NALF1: variants seen among roughly 807,000 people sequenced by gnomAD.
NALF1 encodes the protein NALCN channel auxiliary factor 1.
Under a neutral mutation model 48.4 loss-of-function variants are expected in NALF1, and 3 were observed. The ratio of observed to expected loss-of-function variants is 0.06; its 90% CI spans 0.03 to 0.16. The LOEUF (loss-of-function observed/expected upper bound fraction) is 0.16, where lower values mean the gene tolerates loss of function less well. Ranked by LOEUF, NALF1 falls within the 10% of genes least tolerant of loss-of-function variation. The pLI is 1.00. For missense variants in NALF1, 526 were observed against 571.5 expected (o/e 0.92, Z 0.81); for synonymous variants, 262 against 245.7 (o/e 1.07, Z -0.62).
chr13:107,504,720 T>C (rs189098962), intron 1 of NALF1, among the ~76,000 whole-genome samples: 32 of 152,282 alleles, frequency 2.1e-4, no homozygotes, highest in Admixed American at 1.3e-4. Context: ...ATATAACATA[T>C]CTTTTCACTC....
chr13:107,195,321 A>T (rs1192908438), intron 2 of NALF1, among the ~76,000 whole-genome samples: 1 of 152,198 alleles, frequency 6.6e-6, no homozygotes, highest in Non-Finnish European at 1.5e-5. Context: ...CTTTCTCTCA[A>T]ACAGACAAAA....
intron 1 of NALF1, 133 bp from the exon 2 acceptor site, chr13:107,210,888 T>C (rs182466851): frequency 2.0e-5 from 12 of 613,724 alleles, no homozygotes; most frequent in Non-Finnish European, 2.9e-5. Flanking sequence ...AGAAAGCGTA[T>C]TTACACAACG....
At chr13:107,835,100 T>G (rs1052566746) in intron 1 of NALF1, among the ~76,000 whole-genome samples, 2 of 152,196 alleles carry the variant, frequency 1.3e-5, no homozygotes, top group Admixed American at 1.3e-4. Context: ...TGTTCTAATA[T>G]AGGGTTAGTT....
At chr13:107,349,091 G>C (rs1013696710) in intron 1 of NALF1, among the ~76,000 whole-genome samples, 10 of 152,230 alleles carry the variant, frequency 6.6e-5, no homozygotes, top group Non-Finnish European at 1.3e-4. Context: ...TTGGCATTTA[G>C]AGACATCTGT....
intron 1 of NALF1, among the ~76,000 whole-genome samples, chr13:107,449,253 A>AT (rs1884701634): frequency 1.3e-5 from 2 of 152,026 alleles, no homozygotes; most frequent in Non-Finnish European, 2.9e-5. Flanking sequence ...CAAAAAAAGA[A>AT]TAAAAAAAAA....
intron 1 of NALF1, among the ~76,000 whole-genome samples, chr13:107,253,554 G>A (rs770765326): frequency 5.3e-5 from 8 of 152,138 alleles, no homozygotes; most frequent in Non-Finnish European, 1.0e-4. Flanking sequence ...TTTACATGAT[G>A]GAATTCAGGT....
At chr13:107,462,017 T>C (rs12865095) in intron 1 of NALF1, among the ~76,000 whole-genome samples, 4 of 152,208 alleles carry the variant, frequency 2.6e-5, no homozygotes, top group Admixed American at 2.6e-4. Context: ...TATTTACCCG[T>C]TACATATTTT....
intron 1 of NALF1, among the ~76,000 whole-genome samples, chr13:107,713,471 CTA>C (rs1875662262): frequency 6.6e-6 from 1 of 152,154 alleles, no homozygotes; most frequent in African/African-American, 2.4e-5. Flanking sequence ...GAATGATTTC[CTA>C]CAATCCTCAC....
At chr13:107,289,432 A>G (rs1881570853) in intron 1 of NALF1, among the ~76,000 whole-genome samples, 1 of 152,186 alleles carries the variant, frequency 6.6e-6, no homozygotes, top group African/African-American at 2.4e-5. Flanking sequence ...TTAATAAATG[A>G]CTTCTCCTAA....
At chr13:107,235,865 T>C (rs1880331292) in intron 1 of NALF1, among the ~76,000 whole-genome samples, 1 of 152,162 alleles carries the variant, frequency 6.6e-6, no homozygotes, top group African/African-American at 2.4e-5. Context: ...ATTCCATTAG[T>C]GTTTAGTGTG....
intron 1 of NALF1, among the ~76,000 whole-genome samples, chr13:107,537,981 C>A (rs965816121): frequency 6.6e-6 from 1 of 152,094 alleles, no homozygotes. Context: ...CGAGTCACTG[C>A]ACTCCAGCCT....
chr13:107,782,107 G>T (rs1043802036), intron 1 of NALF1, among the ~76,000 whole-genome samples: 1 of 152,094 alleles, frequency 6.6e-6, no homozygotes, highest in Non-Finnish European at 1.5e-5. Flanking sequence ...ATGCCGAGCC[G>T]AAGCTGGACT....
intron 1 of NALF1, among the ~76,000 whole-genome samples, chr13:107,679,613 GCCC>G (rs1025523987): frequency 6.6e-6 from 1 of 152,154 alleles, no homozygotes; most frequent in Admixed American, 6.5e-5. Context: ...CCTCCTCAGC[GCCC>G]CCCACGGGGT....
intron 1 of NALF1, among the ~76,000 whole-genome samples, chr13:107,701,087 A>G (rs560044576): frequency 7.9e-5 from 12 of 152,272 alleles, no homozygotes; most frequent in African/African-American, 2.9e-4. Flanking sequence ...CTTCCTAAAT[A>G]AAAGAAAAAT....
chr13:107,257,715 A>G (rs1880847590), intron 1 of NALF1, among the ~76,000 whole-genome samples: 1 of 152,008 alleles, frequency 6.6e-6, no homozygotes, highest in African/African-American at 2.4e-5. Flanking sequence ...AGAGCAAACC[A>G]TTGCCTGTGA....
At chr13:107,776,440 T>A (rs564692740) in intron 1 of NALF1, among the ~76,000 whole-genome samples, 1 of 152,176 alleles carries the variant, frequency 6.6e-6, no homozygotes, top group Non-Finnish European at 1.5e-5. Flanking sequence ...AGTAATAATA[T>A]CATTCTTAAC....
intron 1 of NALF1, among the ~76,000 whole-genome samples, chr13:107,516,102 T>C (rs1226615262): frequency 1.3e-5 from 2 of 152,308 alleles, no homozygotes; most frequent in South Asian, 2.1e-4. Context: ...GGTTTCAATA[T>C]TAACTGGAAA....
At chr13:107,800,016 C>T (rs1015494046) in intron 1 of NALF1, among the ~76,000 whole-genome samples, 8 of 152,112 alleles carry the variant, frequency 5.3e-5, no homozygotes, top group South Asian at 2.1e-4. Context: ...GAAGAAAGGG[C>T]GGAGAGGGAG....
At chr13:107,271,810 A>ATATT (rs1555329800) in intron 1 of NALF1, among the ~76,000 whole-genome samples, 1 of 13,822 alleles carries the variant, frequency 7.2e-5, no homozygotes, top group African/African-American at 1.1e-4. Flanking sequence ...ATATATATAT[A>ATATT]TATATATTTA....
Sources: allele counts gnomAD v4.1 joint callset (sites outside exome capture counted in the v4.1 genomes callset), GRCh38; gene constraint gnomAD v4.1.1; transcripts MANE v1.5; gene names NCBI Gene and HGNC (gene_info 2026-07-23, HGNC 2026-07-21).